The following TNRC6C variants were observed in gnomAD, a reference collection of about 807,000 sequenced individuals.
The protein encoded by TNRC6C is trinucleotide repeat-containing gene 6C protein.
A neutral mutation model predicts 153.7 loss-of-function variants in TNRC6C; 20 were observed. The ratio of observed to expected loss-of-function variants is 0.13; its 90% confidence interval spans 0.09 to 0.19. TNRC6C has a LOEUF of 0.19. Among genes scored for constraint, TNRC6C ranks in the 10% least tolerant of loss-of-function variants. TNRC6C has a pLI of 1.00. For missense variants in TNRC6C, 1,987 were observed against 2,172.0 expected, an observed-to-expected ratio of 0.91 and a Z score of 1.69; for synonymous variants, 811 against 841.4, an observed-to-expected ratio of 0.96 and a Z score of 0.63.
At chr17:78,101,540 C>T (rs1470039408) in intron 17 of TNRC6C, among the ~76,000 whole-genome samples, 1 of 152,204 alleles carries the variant, frequency 6.6e-6, no homozygotes. Flanking sequence ...ATTAAAGACA[C>T]ACACACAGAA....
upstream of TNRC6C, chr17:78,005,007 T>C: frequency 8.5e-7 from 1 of 1,179,984 alleles, no homozygotes; most frequent in South Asian, 4.3e-5. Flanking sequence ...ATTCTACACA[T>C]TATTCCTAAA....
Position 78,098,331 on chromosome 17 carries a change from C to G in TNRC6C, c.4307-12C>G. On this transcript the variant is annotated splice_polypyrimidine_tract_variant and intron_variant, in intron 16 of 19. Transcript: ENST00000301624. ...TCAAGACTGCATATGCTCCATCTCT[C>G]TGCCTTTCTAGGTAAACTGTCAGAC... The G allele has an allele frequency of 6.2e-7, 1 of 1,601,794 alleles. No individual in the cohort carries two copies. Among genetic ancestry groups the G allele is most frequent in the South Asian group, 1.1e-5 (1 of 89,206 alleles).
chr17:77,976,636 A>G (rs1055671688), intron 1 of TNRC6C, among the ~76,000 whole-genome samples: 2 of 152,184 alleles, frequency 1.3e-5, no homozygotes, highest in African/African-American at 2.4e-5. Context: ...CACTTCATAT[A>G]TAAAACTTGG....
chr17:78,059,448 G>A (rs1412855461), intron 3 of TNRC6C, among the ~76,000 whole-genome samples: 2 of 152,198 alleles, frequency 1.3e-5, no homozygotes, highest in Non-Finnish European at 2.9e-5. Flanking sequence ...AGGAAGAGAT[G>A]CTTCTCAGTG....
intron 2 of TNRC6C, among the ~76,000 whole-genome samples, chr17:78,032,138 T>A (rs926941323): frequency 2.0e-5 from 3 of 152,234 alleles, no homozygotes; most frequent in Non-Finnish European, 4.4e-5. Context: ...GCAGTTACTT[T>A]AGAACCCAGA....
intron 1 of TNRC6C, among the ~76,000 whole-genome samples, chr17:77,991,633 A>G (rs2071251945): frequency 6.6e-6 from 1 of 152,184 alleles, no homozygotes; most frequent in Non-Finnish European, 1.5e-5. Flanking sequence ...TCTGGACTGC[A>G]GGAGAGAAAC....
At chr17:78,010,879 C>T (rs937111993) in intron 1 of TNRC6C, among the ~76,000 whole-genome samples, 4 of 152,184 alleles carry the variant, frequency 2.6e-5, no homozygotes, top group African/African-American at 9.6e-5. Context: ...TTGCCAGAAC[C>T]TCTGAGTAGG....
At chr17:77,980,852 A>G (rs917874189) in intron 1 of TNRC6C, among the ~76,000 whole-genome samples, 2 of 152,146 alleles carry the variant, frequency 1.3e-5, no homozygotes, top group Non-Finnish European at 2.9e-5. Context: ...GCCTAGAACA[A>G]GGTATGGGGG....
intron 1 of TNRC6C, among the ~76,000 whole-genome samples, chr17:78,013,213 T>C (rs145697187): frequency 1.1e-4 from 17 of 152,348 alleles, no homozygotes; most frequent in Admixed American, 4.6e-4. Flanking sequence ...ACTTTAGATC[T>C]TCTGGACCAG....
At chr17:77,981,999 G>T (rs1314758859) in intron 1 of TNRC6C, among the ~76,000 whole-genome samples, 1 of 152,172 alleles carries the variant, frequency 6.6e-6, no homozygotes, top group Non-Finnish European at 1.5e-5. Context: ...CCTTTGGGAG[G>T]TATTTAGTTC....
At chr17:78,099,985 C>G (rs1454926884) in intron 17 of TNRC6C, among the ~76,000 whole-genome samples, 1 of 152,256 alleles carries the variant, frequency 6.6e-6, no homozygotes, top group Admixed American at 6.5e-5. Flanking sequence ...AGACCAAAAT[C>G]CAGCAGGGCA....
chr17:77,965,384 A>C (rs984634714), intron 1 of TNRC6C, among the ~76,000 whole-genome samples: 2 of 152,230 alleles, frequency 1.3e-5, no homozygotes, highest in Non-Finnish European at 2.9e-5. Flanking sequence ...TCAGCAGCTT[A>C]TAAGTTAGGA....
chr17:77,968,038 C>CTTA (rs780577355), intron 1 of TNRC6C, among the ~76,000 whole-genome samples: 44 of 152,062 alleles, frequency 2.9e-4, no homozygotes, highest in South Asian at 1.2e-3. Flanking sequence ...TATTCTTATT[C>CTTA]TTATTCTTAT....
chr17:78,005,183 A>G (rs2071475334), intron 1 of TNRC6C, 104 bp downstream of exon 3: 1 of 726,524 alleles, frequency 1.4e-6, no homozygotes, highest in Non-Finnish European at 1.9e-6. Flanking sequence ...ACGAGAATCT[A>G]AGCCTGCCTT....
chr17:78,081,716 G>T (rs774782308), intron 10 of TNRC6C, among the ~76,000 whole-genome samples: 12 of 152,246 alleles, frequency 7.9e-5, no homozygotes, highest in South Asian at 2.1e-4. Flanking sequence ...ACATCCCACT[G>T]CCCAGACCTA....
intron 1 of TNRC6C, among the ~76,000 whole-genome samples, chr17:77,985,956 G>C (rs2144124410): frequency 6.6e-6 from 1 of 152,262 alleles, no homozygotes; most frequent in East Asian, 1.9e-4. Context: ...AAGATGATAA[G>C]CTAAAAAATT....
Position 78,049,852 on chromosome 17 carries a change from G to A in TNRC6C, c.790G>A (p.Gly264Arg), listed in dbSNP as rs1410605318. Residue 264 changes from glycine (G) to arginine (R), a missense_variant, in exon 3 of 20, where the codon GGG (glycine) becomes AGG (arginine). Physicochemically the swap from Gly to Arg is moderately radical, Grantham distance 125. Coordinates refer to ENST00000301624, the Ensembl canonical transcript of TNRC6C. This position sits in a 1 kb window ranked among gnomAD's most constrained non-coding sequence, Gnocchi z 4.1. ...CCCTGCCACAGGAAATAGCAATTCT[G>A]GGTTCAGTCAGGGGAATGGAGACAC... 2 of 1,613,842 alleles carry A rather than the reference G, an allele frequency of 1.2e-6. No individual in the cohort carries two copies.
chr17:78,042,673 G>A (rs1246287493), intron 2 of TNRC6C, among the ~76,000 whole-genome samples: 1 of 151,956 alleles, frequency 6.6e-6, no homozygotes, highest in Non-Finnish European at 1.5e-5. Context: ...TGGTGATGAT[G>A]ATGGTGCTAT....
intron 2 of TNRC6C, among the ~76,000 whole-genome samples, chr17:78,037,604 C>T (rs1048415784): frequency 4.6e-5 from 7 of 152,162 alleles, no homozygotes; most frequent in African/African-American, 7.2e-5. Context: ...GCATGAAAAG[C>T]GCAGACCCGC....
Sources: allele counts gnomAD v4.1 joint callset (sites outside exome capture counted in the v4.1 genomes callset), GRCh38; gene constraint gnomAD v4.1.1; non-coding constraint Gnocchi (gnomAD v3.1); transcripts MANE v1.5; gene names NCBI Gene and HGNC (gene_info 2026-07-23, HGNC 2026-07-21).